Variants in UBR1 observed in about 807,000 individuals in gnomAD.
UBR1 encodes E3 ubiquitin-protein ligase UBR1.
In UBR1, 102 loss-of-function variants were observed where a neutral mutation model predicts 242.1. The observed-to-expected ratio is 0.42, with a 90% CI of 0.36 to 0.50. The LOEUF is 0.50. UBR1 is among the 20% of genes least tolerant of loss of function. The probability of loss-of-function intolerance (pLI) is 0.01; values close to 1 mark genes in which losing one functional copy is unlikely to be tolerated. For missense variants in UBR1, 1,772 were observed against 2,101.8 expected (o/e 0.84, Z 3.07); for synonymous variants, 675 against 684.8 (o/e 0.99, Z 0.22).
chr15:42,946,635 T>A (rs1264871371), intron 46 of UBR1, among the ~76,000 whole-genome samples: 1 of 152,192 alleles, frequency 6.6e-6, no homozygotes, highest in African/African-American at 2.4e-5. Flanking sequence ...TTCTGAGCAA[T>A]ATTTCAAAGG....
intron 1 of UBR1, among the ~76,000 whole-genome samples, chr15:43,090,696 CA>C (rs1240607804): frequency 1.3e-5 from 2 of 150,990 alleles, no homozygotes; most frequent in Non-Finnish European, 2.9e-5. Flanking sequence ...ATAAGAGGCA[CA>C]GAACTAGCTC....
At chr15:43,033,218 A>G (rs961336052) in intron 19 of UBR1, among the ~76,000 whole-genome samples, 11 of 152,068 alleles carry the variant, frequency 7.2e-5, no homozygotes, top group Non-Finnish European at 1.2e-4. Flanking sequence ...TTTGATTTAG[A>G]AATTTTATAT....
chr15:43,048,458 T>C lies in UBR1; in HGVS notation c.1473A>G (p.Thr491=). ...YILISKPTIW[T]ERLRMQFLEG... ...CAAGGAACTGCATTCTTAATCTTTC[T>C]GTCCATATTGTGGGTTTGCTGATCA... is the stretch of plus-strand genomic sequence containing the variant. Residue 491 remains threonine, a synonymous_variant, in exon 13 of 47, where the codon ACA becomes ACG. Coordinates refer to ENST00000290650, the MANE Select transcript of UBR1 (RefSeq NM_174916.3). 1.2e-6 allele frequency: 2 copies of C among 1,613,816 alleles called. No homozygotes were observed. The highest frequency in any genetic ancestry group is 1.7e-6 in the Non-Finnish European group (2 of 1,179,898).
intron 35 of UBR1, 88 bp downstream of exon 35, chr15:42,988,731 G>C (rs917687012): frequency 2.3e-5 from 35 of 1,530,908 alleles, no homozygotes; most frequent in Non-Finnish European, 2.7e-6. Context: ...AATTATTCTG[G>C]GCCATCAGTG....
intron 3 of UBR1, among the ~76,000 whole-genome samples, chr15:43,076,503 GTC>G (rs1264978546): frequency 6.7e-6 from 1 of 150,014 alleles, no homozygotes; most frequent in Non-Finnish European, 1.5e-5. Flanking sequence ...AGTGAGGAGC[GTC>G]TCTGCCCGGC....
chr15:43,008,863 CT>C (rs903389441), intron 29 of UBR1, among the ~76,000 whole-genome samples: 2 of 152,100 alleles, frequency 1.3e-5, no homozygotes, highest in African/African-American at 4.8e-5. Flanking sequence ...GAGATACCCA[CT>C]CTGGATCTCC....
chr15:43,040,482 A>T (rs929194448), intron 15 of UBR1, among the ~76,000 whole-genome samples: 10 of 152,148 alleles, frequency 6.6e-5, no homozygotes, highest in African/African-American at 2.4e-4. Context: ...TGTAAGACCT[A>T]AACCATAAAA....
In UBR1 at chr15:42,952,298, G is replaced by T. The variant is rs762602476; in HGVS notation, c.4986C>A (p.Ala1662=). ...ACIFHALHCG[A]GVCIFLKIRE... ...CTCACTTTAGGAAAATGCAGACTCC[G>T]GCTCCACAGTGAAGTGCGTGAAAAA... The change falls in exon 45 of 47, where the codon GCC becomes GCA. Residue 1662 remains alanine, a synonymous_variant. Transcript: ENST00000290650. 1 of 1,614,096 alleles carries T rather than the reference G, an allele frequency of 6.2e-7. No homozygotes were observed. The highest frequency in any genetic ancestry group is 8.5e-7 in the Non-Finnish European group (1 of 1,180,024).
chr15:42,950,554 T>C (rs1312390470), intron 45 of UBR1, 191 bp from the exon 46 acceptor site: 4 of 597,982 alleles, frequency 6.7e-6, no homozygotes, highest in Non-Finnish European at 1.2e-5. Flanking sequence ...GCTATTTCTG[T>C]TGAAGCTATA....
chr15:43,083,784 T>A (rs529134419), intron 2 of UBR1, among the ~76,000 whole-genome samples: 1 of 152,140 alleles, frequency 6.6e-6, no homozygotes, highest in East Asian at 1.9e-4. Flanking sequence ...GGCTCACACC[T>A]GTAATCCCAG....
chr15:42,993,799 C>G (rs1017560200), intron 33 of UBR1, among the ~76,000 whole-genome samples: 1 of 151,596 alleles, frequency 6.6e-6, no homozygotes, highest in Non-Finnish European at 1.5e-5. Context: ...AATCTCACCA[C>G]TGCACTCCAG....
At chr15:43,101,222 T>A (rs1482600363) in intron 1 of UBR1, among the ~76,000 whole-genome samples, 1 of 152,090 alleles carries the variant, frequency 6.6e-6, no homozygotes, top group Admixed American at 6.5e-5. Flanking sequence ...GTAATGAGTT[T>A]ATAAGTATAA....
intron 37 of UBR1, among the ~76,000 whole-genome samples, chr15:42,979,396 A>T (rs2032341774): frequency 6.6e-6 from 1 of 152,022 alleles, no homozygotes; most frequent in Admixed American, 6.6e-5. Flanking sequence ...AAAAGCATAA[A>T]GGTTAAGATC....
chr15:42,963,816 C>G lies in UBR1; in HGVS notation c.4700+119G>C. On this transcript the variant is annotated intron_variant, in intron 42 of 46. Coordinates refer to ENST00000290650, the MANE Select transcript of UBR1 (RefSeq NM_174916.3). ...CTTAAGTGTGTAACTTAGGAATCTC[C>G]TATACTTTTGCCACCCCTTTAATCA... 5 of 758,230 alleles carry G rather than the reference C, an allele frequency of 6.6e-6. No homozygotes were observed. In the South Asian group the frequency reaches 7.6e-5, roughly 12 times the overall value. The allele number at this position is 758,230 out of a possible 1,614,324, so 47.0% of individuals were successfully genotyped here.
chr15:43,030,022 G>A lies in UBR1; in HGVS notation c.2301C>T (p.Val767=). The A allele has an allele frequency of 6.2e-7, 1 of 1,613,958 alleles. No homozygotes were observed. Among genetic ancestry groups the A allele is most frequent in the Non-Finnish European group, 8.5e-7 (1 of 1,179,964 alleles). ...GCAAGTGAATGATTTCTCTCATTGTGACCTCTTCTTTGGTCACATTTCCCA... is the reference window on the plus strand; with the variant it reads ...GCAAGTGAATGATTTCTCTCATTGTAACCTCTTCTTTGGTCACATTTCCCA... The part of the protein sequence containing the change: ...PGVGNVTKEE[V]TMREIIHLLC... The change falls in exon 21 of 47, where the codon GTC becomes GTT. Residue 767 remains valine, a synonymous_variant. Coordinates refer to ENST00000290650, the MANE Select transcript of UBR1 (RefSeq NM_174916.3).
chr15:43,059,210 C>A lies in UBR1; in HGVS notation c.986-18G>T, dbSNP rs760954326. The A allele has an allele frequency of 1.3e-6, 2 of 1,583,712 alleles. No homozygotes were observed. Among genetic ancestry groups the A allele is most frequent in the South Asian group, 1.1e-5 (1 of 90,440 alleles). On this transcript the variant is annotated intron_variant, in intron 8 of 46. Coordinates refer to ENST00000290650, the MANE Select transcript of UBR1 (RefSeq NM_174916.3). ...AAAGTCACCTACAAACAAAAGAGGT[C>A]ACACAGTTACACAACTTGTATTCTT...
Position 42,988,862 on chromosome 15 carries a change from G to A in UBR1, c.3954C>T (p.Pro1318=). The A allele has an allele frequency of 6.2e-7, 1 of 1,614,172 alleles. No homozygotes were observed. The highest frequency in any genetic ancestry group is 1.1e-5 in the South Asian group (1 of 91,084). Residue 1318 remains proline (P), a synonymous_variant, in exon 35 of 47, where the codon CCC becomes CCT. Transcript: ENST00000290650. ...AAGCGCAGGTGCTCCAGGTCAGCAT[G>A]GGGACTCGAGGATCCCTTTCATCAG... is the stretch of plus-strand genomic sequence containing the variant. ...VPPDERDPRV[P]MLTWSTCAFT...
chr15:42,992,137 T>C (rs775212103), intron 33 of UBR1, among the ~76,000 whole-genome samples: 12 of 152,214 alleles, frequency 7.9e-5, no homozygotes, highest in Non-Finnish European at 1.6e-4. Context: ...GGTTGGTTTT[T>C]TTAGTTCCTA....
At chr15:42,985,916 G>A (rs1396953788) in intron 35 of UBR1, among the ~76,000 whole-genome samples, 5 of 150,510 alleles carry the variant, frequency 3.3e-5, no homozygotes, top group Admixed American at 3.3e-4. Context: ...CTGAGCCTGG[G>A]GAGGCTAAGG....
Sources: gnomAD v4.1 joint callset for allele counts (sites outside exome capture counted in the v4.1 genomes callset) on GRCh38, gnomAD v4.1.1 for gene constraint, MANE v1.5 for transcripts, NCBI Gene and HGNC (gene_info 2026-07-23, HGNC 2026-07-21) for gene names.